Variants in AKAP13 observed in about 807,000 individuals in gnomAD.
AKAP13 encodes the protein A-kinase anchoring protein 13.
Under a neutral mutation model 264.5 loss-of-function variants are expected in AKAP13, and 80 were observed. The observed-to-expected ratio is 0.30, with a 90% CI of 0.25 to 0.36. The LOEUF (loss-of-function observed/expected upper bound fraction) is 0.36. Among genes scored for constraint, AKAP13 ranks in the 10% least tolerant of loss-of-function variants. The pLI is 1.00. For synonymous variants in AKAP13, 1,380 were observed against 1,250.2 expected, an observed-to-expected ratio of 1.10 and a Z score of -2.19; for missense variants, 3,712 against 3,435.2, an observed-to-expected ratio of 1.08 and a Z score of -2.01.
intron 9 of AKAP13, among the ~76,000 whole-genome samples, chr15:85,642,597 C>T (rs1164803599): frequency 2.0e-5 from 3 of 152,202 alleles, no homozygotes; most frequent in African/African-American, 7.2e-5. Flanking sequence ...CCTCTCTCTC[C>T]ATCTTAGCCC....
At chr15:85,709,834 C>T (rs910898001) in intron 18 of AKAP13, among the ~76,000 whole-genome samples, 1 of 151,972 alleles carries the variant, frequency 6.6e-6, no homozygotes, top group Admixed American at 6.6e-5. Flanking sequence ...ATTACAGGTG[C>T]CCGTCACCAT....
intron 1 of AKAP13, among the ~76,000 whole-genome samples, chr15:85,423,063 A>G (rs2072597031): frequency 6.6e-6 from 1 of 152,214 alleles, no homozygotes; most frequent in African/African-American, 2.4e-5. Context: ...AAATATTGCT[A>G]AAAAATGCTA....
chr15:85,593,531 A>ATT lies in AKAP13; in HGVS notation c.4161+7724_4161+7725dup, dbSNP rs34359285. On this transcript the variant is annotated intron_variant, in intron 8 of 36. Coordinates refer to ENST00000394518, the MANE Select transcript of AKAP13 (RefSeq NM_007200.5). ...TACAGGTGTGAGCCACCATGTGGGA[A>ATT]TTTTTTTTTTTTTTTTTAAATCACA... Among the ~76,000 whole-genome samples, 195 of 145,848 alleles carry ATT rather than the reference A, an allele frequency of 1.3e-3. 1 individual carries two copies. The highest frequency in any genetic ancestry group is 3.6e-3 in the Middle Eastern group (1 of 276).
chr15:85,444,282 G>C (rs566330709), intron 1 of AKAP13, among the ~76,000 whole-genome samples: 35 of 152,276 alleles, frequency 2.3e-4, no homozygotes, highest in African/African-American at 8.2e-4. Flanking sequence ...GGAGCACGTT[G>C]CTGCTACCTC....
At chr15:85,538,506 T>C (rs79598645) in intron 4 of AKAP13, among the ~76,000 whole-genome samples, 4 of 151,054 alleles carry the variant, frequency 2.6e-5, no homozygotes, top group Admixed American at 1.3e-4. Flanking sequence ...TTTTTTTTTT[T>C]TGAGACGGAG....
At chr15:85,717,470 A>T in intron 21 of AKAP13, 68 bp downstream of exon 21, 6 of 1,050,044 alleles carry the variant, frequency 5.7e-6, no homozygotes, top group Non-Finnish European at 8.6e-6. Context: ...TACCTAGAAC[A>T]TAAGTCTTAA....
At chr15:85,716,055 A>G (rs909896353) in intron 20 of AKAP13, 132 bp downstream of exon 20, 37 of 1,157,800 alleles carry the variant, frequency 3.2e-5, no homozygotes, top group Non-Finnish European at 4.0e-5. Context: ...GGTGCAGACA[A>G]GGACGATGGG....
intron 4 of AKAP13, among the ~76,000 whole-genome samples, chr15:85,538,655 A>C (rs2077482458): frequency 6.9e-6 from 1 of 145,916 alleles, no homozygotes; most frequent in Non-Finnish European, 1.5e-5. Context: ...ACGCCCAGCT[A>C]ATTTTTTATA....
chr15:85,525,468 C>T (rs929234672), intron 3 of AKAP13, among the ~76,000 whole-genome samples: 1 of 152,100 alleles, frequency 6.6e-6, no homozygotes, highest in Non-Finnish European at 1.5e-5. Context: ...AAAATAAATC[C>T]ATCTTTGTGC....
intron 10 of AKAP13, among the ~76,000 whole-genome samples, chr15:85,648,520 T>C (rs1229430719): frequency 1.3e-5 from 2 of 150,814 alleles, no homozygotes; most frequent in African/African-American, 2.4e-5. Flanking sequence ...ATTTGGAAGA[T>C]TTTTTTTTTC....
chr15:85,414,671 A>C (rs2072150122), intron 1 of AKAP13, among the ~76,000 whole-genome samples: 1 of 152,232 alleles, frequency 6.6e-6, no homozygotes. Flanking sequence ...TTCTTATGTT[A>C]GAGTGCCTTC....
At chr15:85,466,311 C>A (rs1033815785) in intron 1 of AKAP13, among the ~76,000 whole-genome samples, 2 of 152,078 alleles carry the variant, frequency 1.3e-5, no homozygotes, top group East Asian at 1.9e-4. Flanking sequence ...GTTGCCTGTT[C>A]ACTCTGATGG....
rs1225743559 is a variant in AKAP13, at chr15:85,580,657, C to A, written c.2589C>A (p.Thr863=). Reference sequence around the variant, plus strand: ...AGCTTCAGCACGGGATGGGGAATACCAGTCTCACAGGACTTGGTGGAGAGC... The same window carrying A: ...AGCTTCAGCACGGGATGGGGAATACAAGTCTCACAGGACTTGGTGGAGAGC... ...AAELQHGMGN[T]SLTGLGGEHE... Residue 863 remains threonine (T), a synonymous_variant, in exon 7 of 37, where the codon ACC becomes ACA. Coordinates refer to ENST00000394518, the MANE Select transcript of AKAP13 (RefSeq NM_007200.5). 6.2e-7 allele frequency: 1 copy of A among 1,614,192 alleles called. No individual in the cohort carries two copies. Among genetic ancestry groups the A allele is most frequent in the South Asian group, 1.1e-5 (1 of 91,086 alleles).
chr15:85,533,518 T>G (rs62023885), intron 3 of AKAP13, 66 bp from the exon 4 acceptor site: 215,975 of 1,451,946 alleles, frequency 0.15, 18,051 homozygotes, highest in Non-Finnish European at 0.17. Context: ...GCTAAGAGGA[T>G]CCACTAGCGT....
At chr15:85,740,586 C>T (rs1238529425) in intron 34 of AKAP13, 3 of 373,536 alleles carry the variant, frequency 8.0e-6, no homozygotes, top group Non-Finnish European at 1.5e-5. Flanking sequence ...TTCTATATTC[C>T]GTATCTCTGT....
chr15:85,561,145 C>G (rs1164547614), intron 5 of AKAP13, among the ~76,000 whole-genome samples: 1 of 151,756 alleles, frequency 6.6e-6, no homozygotes, highest in Admixed American at 6.6e-5. Context: ...GCAACCTCCG[C>G]CCCCCAGGTT....
chr15:85,398,760 T>C (rs181488102), intron 1 of AKAP13, among the ~76,000 whole-genome samples: 1 of 152,336 alleles, frequency 6.6e-6, no homozygotes. Flanking sequence ...TTCACCATGT[T>C]GGCCAGGCTG....
chr15:85,631,681 T>C lies in AKAP13; in HGVS notation c.4162-7693T>C, dbSNP rs978527764. 2.0e-5 allele frequency among the ~76,000 whole-genome samples: 3 copies of C among 152,228 alleles called. No homozygotes were observed. In the East Asian group the frequency reaches 5.8e-4, roughly 29 times the overall value. On this transcript the variant is annotated intron_variant, in intron 8 of 36. Coordinates refer to ENST00000394518, the MANE Select transcript of AKAP13 (RefSeq NM_007200.5). Reference sequence around the variant, plus strand: ...ATGTACCAGTGTTGGTTTCTTAGTATTGACAACTGTGTTATGGTTATGTAA... The same window carrying C: ...ATGTACCAGTGTTGGTTTCTTAGTACTGACAACTGTGTTATGGTTATGTAA...
chr15:85,672,853 C>T (rs181227003), intron 14 of AKAP13, among the ~76,000 whole-genome samples: 1 of 152,308 alleles, frequency 6.6e-6, no homozygotes, highest in East Asian at 1.9e-4. Flanking sequence ...GTGCCAGGGT[C>T]CATTTTTCTC....
Sources: allele counts gnomAD v4.1 joint callset (sites outside exome capture counted in the v4.1 genomes callset), GRCh38; gene constraint gnomAD v4.1.1; transcripts MANE v1.5; gene names NCBI Gene and HGNC (gene_info 2026-07-23, HGNC 2026-07-21).